IGFL2: variants seen among roughly 807,000 people sequenced by gnomAD.
The protein encoded by IGFL2 is insulin growth factor-like family member 2.
IGFL2 carries 7 observed loss-of-function variants against 13.9 expected under a neutral mutation model. The observed-to-expected ratio is 0.51, with a 90% CI of 0.29 to 0.95. The LOEUF (loss-of-function observed/expected upper bound fraction) is 0.95, where lower values mean the gene tolerates loss of function less well. Among genes scored for constraint, IGFL2 ranks in the 40% least tolerant of loss-of-function variants. The pLI is 0.08. For missense variants in IGFL2, 138 were observed against 147.8 expected, an observed-to-expected ratio of 0.93 and a Z score of 0.34; for synonymous variants, 55 against 55.8, an observed-to-expected ratio of 0.99 and a Z score of 0.07.
chr19:46,209,646 T>C, the IGFL2 span: 1 of 152,106 alleles, frequency 6.6e-6, no homozygotes, highest in African/African-American at 2.4e-5. Context: ...AAAGCAAAAA[T>C]TGTCAAGAAT....
the IGFL2 span, among the ~76,000 whole-genome samples, chr19:46,131,832 G>A: frequency 1.3e-5 from 2 of 152,080 alleles, no homozygotes; most frequent in South Asian, 4.1e-4. Context: ...TCAGCTACTC[G>A]GGAGGCTGAA....
the IGFL2 span, among the ~76,000 whole-genome samples, chr19:46,195,415 CT>C: frequency 6.6e-6 from 1 of 152,126 alleles, no homozygotes; most frequent in Non-Finnish European, 1.5e-5. Context: ...CTATTACACC[CT>C]TTGTAAAAAA....
In IGFL2 at chr19:46,160,484, G is replaced by A. The variant is rs746912654; in HGVS notation, c.73+16G>A. On this transcript the variant is annotated intron_variant, in intron 2 of 3. Coordinates refer to ENST00000377693, the MANE Select transcript of IGFL2 (RefSeq NM_001135113.2). Reference sequence around the variant, plus strand: ...GAAGTCATCGGTGAGTACAAGGATGGGCAAGAGTGAAGAGGAAGGAGGCTG... The same window carrying A: ...GAAGTCATCGGTGAGTACAAGGATGAGCAAGAGTGAAGAGGAAGGAGGCTG... The A allele has an allele frequency of 3.1e-6, 5 of 1,613,646 alleles. No homozygotes were observed. In the South Asian group the frequency reaches 5.5e-5, roughly 18 times the overall value.
At chr19:46,169,349 A>G in the IGFL2 span, among the ~76,000 whole-genome samples, 8 of 152,380 alleles carry the variant, frequency 5.3e-5, no homozygotes, top group African/African-American at 1.7e-4. Context: ...GATTGTTTCA[A>G]TTGAATGCAG....
the IGFL2 span, among the ~76,000 whole-genome samples, chr19:46,119,870 C>G: frequency 1.3e-5 from 2 of 150,676 alleles, no homozygotes; most frequent in African/African-American, 4.9e-5. Flanking sequence ...CTGGCAGGAG[C>G]ACAACTGTGT....
chr19:46,175,472 T>C, the IGFL2 span, among the ~76,000 whole-genome samples: 1 of 152,000 alleles, frequency 6.6e-6, no homozygotes, highest in African/African-American at 2.4e-5. Flanking sequence ...GGTGCAAAAT[T>C]TAAGAGGGTG....
the IGFL2 span, chr19:46,113,395 C>A: frequency 2.5e-6 from 1 of 397,346 alleles, no homozygotes; most frequent in Non-Finnish European, 5.0e-6. Flanking sequence ...AAGGATCAAT[C>A]ATGGGGACAT....
the IGFL2 span, chr19:46,212,737 C>CTCTCTCTCTCTCT: frequency 6.8e-6 from 1 of 147,712 alleles, no homozygotes; most frequent in African/African-American, 2.5e-5. Flanking sequence ...CTCTCTCTCT[C>CTCTCTCTCTCTCT]CTCTCACTGT....
the IGFL2 span, among the ~76,000 whole-genome samples, chr19:46,168,092 A>G: frequency 6.6e-6 from 1 of 152,178 alleles, no homozygotes; most frequent in Non-Finnish European, 1.5e-5. Context: ...ACATACCACC[A>G]TGCCAGCTAA....
the IGFL2 span, among the ~76,000 whole-genome samples, chr19:46,181,568 C>T: frequency 2.5e-4 from 38 of 152,346 alleles, no homozygotes; most frequent in African/African-American, 7.5e-4. Context: ...TTTAGCACTT[C>T]GGCAGACCCA....
chr19:46,137,507 C>T, the IGFL2 span: 4 of 1,131,484 alleles, frequency 3.5e-6, no homozygotes, highest in Middle Eastern at 2.0e-4. Context: ...CCTTCTCTTG[C>T]CTGAGCCAGA....
the IGFL2 span, among the ~76,000 whole-genome samples, chr19:46,126,218 G>A: frequency 2.6e-5 from 4 of 152,186 alleles, no homozygotes; most frequent in African/African-American, 9.6e-5. Flanking sequence ...AAATAAATCT[G>A]TTAAAGATTT....
the IGFL2 span, among the ~76,000 whole-genome samples, chr19:46,102,345 A>T: frequency 1.3e-5 from 2 of 152,188 alleles, no homozygotes; most frequent in Non-Finnish European, 2.9e-5. Flanking sequence ...TACGTTTGGG[A>T]TAGGCGGTGG....
At chr19:46,092,742 A>G in the IGFL2 span, among the ~76,000 whole-genome samples, 1 of 151,610 alleles carries the variant, frequency 6.6e-6, no homozygotes, top group Non-Finnish European at 1.5e-5. Context: ...CAGCCTCCCA[A>G]AGTGCCAGGA....
chr19:46,092,774 C>T, the IGFL2 span, among the ~76,000 whole-genome samples: 1 of 152,050 alleles, frequency 6.6e-6, no homozygotes, highest in Admixed American at 6.6e-5. Flanking sequence ...AGCCATCATG[C>T]CTGTCTGTAA....
chr19:46,142,255 G>A (rs1159781804), upstream of IGFL2, among the ~76,000 whole-genome samples: 1 of 152,184 alleles, frequency 6.6e-6, no homozygotes, highest in Non-Finnish European at 1.5e-5. Flanking sequence ...AAGTATGTTG[G>A]ATGGAAAATT....
chr19:46,136,367 A>T, the IGFL2 span, among the ~76,000 whole-genome samples: 1 of 152,228 alleles, frequency 6.6e-6, no homozygotes, highest in Non-Finnish European at 1.5e-5. Flanking sequence ...AATCTATTAA[A>T]TAGGCAGAAT....
At chr19:46,117,236 T>C in the IGFL2 span, among the ~76,000 whole-genome samples, 2 of 152,114 alleles carry the variant, frequency 1.3e-5, no homozygotes, top group Admixed American at 6.5e-5. Flanking sequence ...ATTTCTCTCT[T>C]TTTAAATTTT....
chr19:46,087,556 C>T, the IGFL2 span, among the ~76,000 whole-genome samples: 1 of 152,298 alleles, frequency 6.6e-6, no homozygotes, highest in South Asian at 2.1e-4. Flanking sequence ...GTGGAATGCT[C>T]AGTTGAGGGC....
Sources: allele counts gnomAD v4.1 joint callset (sites outside exome capture counted in the v4.1 genomes callset), GRCh38; gene constraint gnomAD v4.1.1; transcripts MANE v1.5; gene names NCBI Gene and HGNC (gene_info 2026-07-23, HGNC 2026-07-21).